AFG1L: variants seen among roughly 807,000 people sequenced by gnomAD.
The protein encoded by AFG1L is AFG1-like ATPase.
Under a neutral mutation model 62.2 loss-of-function variants are expected in AFG1L, and 53 were observed. The observed-to-expected ratio is 0.85, with a 90% CI of 0.68 to 1.07. The LOEUF is 1.07. Ranked by LOEUF, AFG1L falls within the 50% of genes least tolerant of loss-of-function variation. The probability of loss-of-function intolerance (pLI) is 0.00; values close to 1 mark genes in which losing one functional copy is unlikely to be tolerated. For missense variants in AFG1L, 555 were observed against 590.5 expected (o/e 0.94, Z 0.62); for synonymous variants, 228 against 210.3 (o/e 1.08, Z -0.73).
At chr6:108,445,681 A>AGAGAGAGAGAG (rs1582598653) in intron 7 of AFG1L, among the ~76,000 whole-genome samples, 43 of 140,428 alleles carry the variant, frequency 3.1e-4, no homozygotes, top group African/African-American at 1.0e-3. Flanking sequence ...AGAGAGAGAG[A>AGAGAGAGAGAG]AACAGCCAGT....
At chr6:108,451,206 GA>G (rs1302958706) in intron 8 of AFG1L, among the ~76,000 whole-genome samples, 1 of 152,118 alleles carries the variant, frequency 6.6e-6, no homozygotes, top group African/African-American at 2.4e-5. Flanking sequence ...CGCTATCTCA[GA>G]ATTTCATACA....
chr6:108,522,042 A>G, intron 12 of AFG1L: 1 of 261,514 alleles, frequency 3.8e-6, no homozygotes, highest in African/African-American at 2.3e-5. Flanking sequence ...GCCATTACTT[A>G]TTTCTGGTGT....
intron 1 of AFG1L, among the ~76,000 whole-genome samples, chr6:108,306,444 C>T (rs1318117334): frequency 1.3e-5 from 2 of 152,198 alleles, no homozygotes; most frequent in African/African-American, 4.8e-5. Context: ...AACACTAATA[C>T]TGATTCCATG....
rs1420333347 is a variant in AFG1L, at chr6:108,522,990, A to G, written c.*565A>G. 6.6e-6 allele frequency: 1 copy of G among 152,008 alleles called. No individual in the cohort carries two copies. Among genetic ancestry groups the G allele is most frequent in the Non-Finnish European group, 1.5e-5 (1 of 67,996 alleles). 9.4% of individuals were successfully genotyped at this position (152,008 alleles called of 1,614,324 possible). A position where few individuals can be genotyped will look rare whatever the true frequency, so the allele number is the denominator to read the frequency against. On this transcript the variant is annotated 3_prime_UTR_variant, in exon 13 of 13. Coordinates refer to ENST00000368977, the MANE Select transcript of AFG1L (RefSeq NM_145315.5). ...TACATAATGGAAGAATATGTTTTTA[A>G]CCCTGAGATCAAGTTTAGTAGGCAG...
At chr6:108,333,984 C>G (rs1778377422) in intron 2 of AFG1L, among the ~76,000 whole-genome samples, 1 of 152,050 alleles carries the variant, frequency 6.6e-6, no homozygotes, top group Non-Finnish European at 1.5e-5. Context: ...TGAGATATTT[C>G]AACAGGTTAG....
intron 7 of AFG1L, among the ~76,000 whole-genome samples, chr6:108,440,907 G>A (rs900120046): frequency 5.3e-5 from 8 of 151,724 alleles, no homozygotes; most frequent in Non-Finnish European, 1.2e-4. Context: ...TAAATTAGTT[G>A]ACTGTTAATC....
chr6:108,321,203 G>A (rs1432706721), intron 1 of AFG1L, among the ~76,000 whole-genome samples: 1 of 152,158 alleles, frequency 6.6e-6, no homozygotes. Context: ...AATTCCCATA[G>A]CCTTCCTCCC....
chr6:108,510,419 G>A, intron 11 of AFG1L, 67 bp downstream of exon 11: 2 of 1,294,944 alleles, frequency 1.5e-6, no homozygotes, highest in Non-Finnish European at 2.1e-6. Context: ...GCCTGGGCTG[G>A]AAATCCTGAC....
rs957265449 is a variant in AFG1L, at chr6:108,325,086, C to T, written c.363+1038C>T. Among the ~76,000 whole-genome samples the T allele has an allele frequency of 3.3e-5, 5 of 152,176 alleles. No homozygotes were observed. In the South Asian group the frequency reaches 8.3e-4, roughly 25 times the overall value. ...TCGCCACCCCTTGCTGCATGGGCAG[C>T]CTCAGTCAGCCTCCTGTCCTCAGAC... On this transcript the variant is annotated intron_variant, in intron 2 of 12. Transcript: ENST00000368977.
At chr6:108,318,301 A>T in intron 1 of AFG1L, 1 of 392,374 alleles carries the variant, frequency 2.5e-6, no homozygotes, top group Non-Finnish European at 4.8e-6. Context: ...CTGAGCTTGA[A>T]TGCGTTGAGC....
chr6:108,441,712 A>ATATATATATATATATAT (rs1554198359), intron 7 of AFG1L, among the ~76,000 whole-genome samples: 2 of 139,486 alleles, frequency 1.4e-5, no homozygotes, highest in South Asian at 2.3e-4. Context: ...AAAAAAAAAA[A>ATATATATATATATATAT]ATATATATAT....
chr6:108,446,075 CACACACA>C (rs1771778782), intron 7 of AFG1L, among the ~76,000 whole-genome samples: 1 of 151,062 alleles, frequency 6.6e-6, no homozygotes, highest in Non-Finnish European at 1.5e-5. Flanking sequence ...CACACACACA[CACACACA>C]CACACACACA....
intron 1 of AFG1L, among the ~76,000 whole-genome samples, chr6:108,320,220 CAG>C (rs1777767209): frequency 6.6e-6 from 1 of 152,132 alleles, no homozygotes; most frequent in Non-Finnish European, 1.5e-5. Flanking sequence ...TGGTGGTGAT[CAG>C]AGTCATACAT....
At chr6:108,475,650 A>G (rs1052312812) in intron 8 of AFG1L, among the ~76,000 whole-genome samples, 5 of 152,200 alleles carry the variant, frequency 3.3e-5, no homozygotes, top group African/African-American at 1.2e-4. Flanking sequence ...TTCTCCTGCA[A>G]AGTTGACCAT....
At position 108,496,575 on chromosome 6, in the gene AFG1L, A is replaced by T. The variant is rs1773983132; in HGVS notation, c.1063-13637A>T. Among the ~76,000 whole-genome samples the T allele has an allele frequency of 2.6e-5, 4 of 152,198 alleles. No individual in the cohort carries two copies. In the South Asian group the frequency reaches 8.3e-4, roughly 32 times the overall value. ...TCATGATGTATTGTAATATTAGGGA[A>T]GATGCAGGGGATGAAATAGCTGAAA... On this transcript the variant is annotated intron_variant, in intron 10 of 12. Coordinates refer to ENST00000368977, the MANE Select transcript of AFG1L (RefSeq NM_145315.5).
intron 7 of AFG1L, among the ~76,000 whole-genome samples, chr6:108,404,669 C>T (rs2114640080): frequency 6.6e-6 from 1 of 151,912 alleles, no homozygotes; most frequent in African/African-American, 2.4e-5. Context: ...TGTCATTTGC[C>T]TTACATATTT....
At chr6:108,371,357 G>T (rs534439822) in intron 6 of AFG1L, among the ~76,000 whole-genome samples, 1 of 152,146 alleles carries the variant, frequency 6.6e-6, no homozygotes, top group African/African-American at 2.4e-5. Flanking sequence ...CAGGAAAATT[G>T]CTTGAGCGCA....
intron 7 of AFG1L, among the ~76,000 whole-genome samples, chr6:108,420,163 G>T (rs1770522679): frequency 6.6e-6 from 1 of 151,994 alleles, no homozygotes. Flanking sequence ...TTAACCCTTT[G>T]TTAGTGTGAT....
chr6:108,506,274 C>G (rs936224475), intron 10 of AFG1L, among the ~76,000 whole-genome samples: 2 of 152,188 alleles, frequency 1.3e-5, no homozygotes, highest in Admixed American at 1.3e-4. Context: ...TGGTGGTGAT[C>G]TCAGCTCACT....
Sources: allele counts gnomAD v4.1 joint callset (sites outside exome capture counted in the v4.1 genomes callset), GRCh38; gene constraint gnomAD v4.1.1; transcripts MANE v1.5; gene names NCBI Gene and HGNC (gene_info 2026-07-23, HGNC 2026-07-21).